Variants in TAFA1 observed in about 807,000 individuals in gnomAD.
TAFA1 encodes TAFA chemokine like family member 1, also known as chemokine-like protein TAFA-1.
Under a neutral mutation model 18.5 loss-of-function variants are expected in TAFA1, and 4 were observed. The observed-to-expected ratio is 0.22, with a 90% CI of 0.11 to 0.49. The LOEUF is 0.49. TAFA1 is among the 20% of genes least tolerant of loss of function. The probability of loss-of-function intolerance (pLI) is 0.98; values close to 1 mark genes in which losing one functional copy is unlikely to be tolerated. For missense variants in TAFA1, 147 were observed against 169.0 expected, an observed-to-expected ratio of 0.87 and a Z score of 0.72; for synonymous variants, 56 against 55.2, an observed-to-expected ratio of 1.01 and a Z score of -0.06.
At chr3:68,208,155 G>C (rs2066549788) in intron 2 of TAFA1, among the ~76,000 whole-genome samples, 1 of 151,952 alleles carries the variant, frequency 6.6e-6, no homozygotes, top group Admixed American at 6.6e-5. Flanking sequence ...CTGTATGAAG[G>C]ATATGGACGT....
intron 2 of TAFA1, among the ~76,000 whole-genome samples, chr3:68,177,579 G>A (rs78085444): frequency 0.019 from 2,891 of 152,170 alleles, 95 homozygotes; most frequent in African/African-American, 0.065. Context: ...AAGTTTAAAT[G>A]TAGTTTTAGG....
At chr3:68,479,773 G>T (rs919720120) in intron 3 of TAFA1, among the ~76,000 whole-genome samples, 2 of 152,066 alleles carry the variant, frequency 1.3e-5, no homozygotes, top group African/African-American at 4.8e-5. Context: ...AAGAAGAGGG[G>T]AGGCATAATT....
chr3:68,411,285 G>A (rs1486441039), intron 2 of TAFA1, among the ~76,000 whole-genome samples: 2 of 152,168 alleles, frequency 1.3e-5, no homozygotes, highest in Middle Eastern at 3.4e-3. Flanking sequence ...AATGTGGGAC[G>A]GTGTGTATTT....
intron 2 of TAFA1, among the ~76,000 whole-genome samples, chr3:68,084,021 T>G (rs1399405355): frequency 6.6e-6 from 1 of 152,192 alleles, no homozygotes; most frequent in Non-Finnish European, 1.5e-5. Context: ...CTCAGCTCAT[T>G]CCTCTGTAAG....
chr3:68,044,043 G>C (rs1705220729), intron 2 of TAFA1, among the ~76,000 whole-genome samples: 1 of 152,070 alleles, frequency 6.6e-6, no homozygotes, highest in South Asian at 2.1e-4. Context: ...CTCAATTTTA[G>C]GATTCTACTC....
At chr3:68,269,006 T>A (rs752976951) in intron 2 of TAFA1, among the ~76,000 whole-genome samples, 2 of 152,264 alleles carry the variant, frequency 1.3e-5, no homozygotes, top group Non-Finnish European at 2.9e-5. Context: ...CCTTCCTTCA[T>A]TCCTCCCTTC....
At chr3:68,367,164 C>T (rs547294452) in intron 2 of TAFA1, among the ~76,000 whole-genome samples, 1 of 152,284 alleles carries the variant, frequency 6.6e-6, no homozygotes, top group South Asian at 2.1e-4. Context: ...ATGAGGTTGC[C>T]TATTTTTAAG....
At chr3:68,281,228 A>G (rs970718592) in intron 2 of TAFA1, among the ~76,000 whole-genome samples, 9 of 152,148 alleles carry the variant, frequency 5.9e-5, no homozygotes, top group Non-Finnish European at 1.0e-4. Flanking sequence ...TTAAGTCTCA[A>G]AAGGTTAAAG....
At chr3:68,372,937 A>G (rs2069739967) in intron 2 of TAFA1, among the ~76,000 whole-genome samples, 1 of 152,190 alleles carries the variant, frequency 6.6e-6, no homozygotes, top group African/African-American at 2.4e-5. Flanking sequence ...GATAGTAAAC[A>G]GGAAGGCCGC....
chr3:68,325,321 T>C (rs1215732001), intron 2 of TAFA1, among the ~76,000 whole-genome samples: 2 of 152,076 alleles, frequency 1.3e-5, no homozygotes, highest in Non-Finnish European at 2.9e-5. Context: ...ATCATCTGGG[T>C]TTAATTCTTA....
At position 68,479,372 on chromosome 3, in the gene TAFA1, C is replaced by T. The variant is rs570544124; in HGVS notation, c.260-59384C>T. The stretch of plus-strand genomic sequence containing the variant: ...ACTCTGTATAAATAACAGCTTTAGA[C>T]ATTGTTTACATCTTGCTTTTTCTCA... On this transcript the variant is annotated intron_variant, in intron 3 of 4. Coordinates refer to ENST00000478136, the MANE Select transcript of TAFA1 (RefSeq NM_213609.4). Among the ~76,000 whole-genome samples the T allele has an allele frequency of 2.0e-5, 3 of 151,134 alleles. No individual in the cohort carries two copies. In the South Asian group the frequency reaches 6.2e-4, roughly 31 times the overall value.
Position 68,067,022 on chromosome 3 carries a change from G to A in TAFA1, c.118+60278G>A, listed in dbSNP as rs557427836. Among the ~76,000 whole-genome samples the A allele has an allele frequency of 5.3e-5, 8 of 152,266 alleles. No individual in the cohort carries two copies. The South Asian group carries it at 1.5e-3, about 28-fold the overall frequency. On this transcript the variant is annotated intron_variant, in intron 2 of 4. Coordinates refer to ENST00000478136, the MANE Select transcript of TAFA1 (RefSeq NM_213609.4). ...CAAGCAAGACGGCCAGCTCCATGTA[G>A]AATAACTCATAAACTTTCTCATTGG...
intron 3 of TAFA1, among the ~76,000 whole-genome samples, chr3:68,518,133 A>C (rs1048502386): frequency 6.6e-6 from 1 of 151,416 alleles, no homozygotes; most frequent in Non-Finnish European, 1.5e-5. Context: ...CCCTTTTTCA[A>C]CCTCCTCTCA....
chr3:68,316,519 C>T (rs547097596), intron 2 of TAFA1, among the ~76,000 whole-genome samples: 9 of 152,146 alleles, frequency 5.9e-5, no homozygotes, highest in South Asian at 4.2e-4. Flanking sequence ...TGCAGTGGTC[C>T]GGGCTTTTTC....
At chr3:68,123,175 T>C (rs2065421651) in intron 2 of TAFA1, among the ~76,000 whole-genome samples, 1 of 152,084 alleles carries the variant, frequency 6.6e-6, no homozygotes, top group Non-Finnish European at 1.5e-5. Flanking sequence ...GTTTGCATCC[T>C]TAGATGCTAA....
chr3:68,040,450 C>T (rs1168439263), intron 2 of TAFA1, among the ~76,000 whole-genome samples: 2 of 152,136 alleles, frequency 1.3e-5, no homozygotes, highest in Non-Finnish European at 2.9e-5. Flanking sequence ...AACCTAGTCT[C>T]TGATTTAATG....
At chr3:68,125,769 T>C (rs1353120891) in intron 2 of TAFA1, among the ~76,000 whole-genome samples, 1 of 152,170 alleles carries the variant, frequency 6.6e-6, no homozygotes, top group Admixed American at 6.5e-5. Context: ...CTTATACATA[T>C]AGTGCCTGCC....
intron 2 of TAFA1, among the ~76,000 whole-genome samples, chr3:68,397,149 A>T (rs893594965): frequency 6.6e-6 from 1 of 152,016 alleles, no homozygotes; most frequent in Non-Finnish European, 1.5e-5. Context: ...TCTTTTTTTT[A>T]AATTTATTGT....
intron 2 of TAFA1, among the ~76,000 whole-genome samples, chr3:68,028,556 G>A (rs901539015): frequency 6.6e-6 from 1 of 152,000 alleles, no homozygotes; most frequent in Non-Finnish European, 1.5e-5. Context: ...ATGAAATCAA[G>A]GTGTCAGCAG....
Sources: allele counts gnomAD v4.1 joint callset (sites outside exome capture counted in the v4.1 genomes callset), GRCh38; gene constraint gnomAD v4.1.1; transcripts MANE v1.5; gene names NCBI Gene and HGNC (gene_info 2026-07-23, HGNC 2026-07-21).